The following CIMIP6 variants were observed in gnomAD, a reference collection of about 807,000 sequenced individuals.
CIMIP6 encodes the protein uncharacterized protein C2orf73.
the CIMIP6 span, among the ~76,000 whole-genome samples, chr2:54,345,485 G>C: frequency 6.6e-6 from 1 of 152,188 alleles, no homozygotes; most frequent in Non-Finnish European, 1.5e-5. Flanking sequence ...TTTTGAGAAA[G>C]AGAAGGAAGG....
chr2:54,350,181 T>C, the CIMIP6 span, among the ~76,000 whole-genome samples: 2 of 114,228 alleles, frequency 1.8e-5, no homozygotes, highest in African/African-American at 6.6e-5. Flanking sequence ...AAGTTATTAT[T>C]TGTGAGATTA....
chr2:54,337,405 G>T, the CIMIP6 span, among the ~76,000 whole-genome samples: 4 of 149,978 alleles, frequency 2.7e-5, no homozygotes, highest in Admixed American at 6.6e-5. Flanking sequence ...ATTTCAGAAA[G>T]AAATCAATTG....
chr2:54,357,595 G>C, the CIMIP6 span, among the ~76,000 whole-genome samples: 1 of 76,138 alleles, frequency 1.3e-5, no homozygotes, highest in Non-Finnish European at 2.7e-5. Flanking sequence ...TTTTTTTTTT[G>C]AGACACAGTC....
At chr2:54,350,631 C>T in the CIMIP6 span, among the ~76,000 whole-genome samples, 1 of 152,210 alleles carries the variant, frequency 6.6e-6, no homozygotes, top group African/African-American at 2.4e-5. Flanking sequence ...ACAAGACCAG[C>T]CCACATTTAC....
chr2:54,366,824 A>C, the CIMIP6 span, among the ~76,000 whole-genome samples: 1 of 152,166 alleles, frequency 6.6e-6, no homozygotes, highest in South Asian at 2.1e-4. Flanking sequence ...CGTCTGACAT[A>C]CACAGATTAA....
At chr2:54,363,666 A>G in the CIMIP6 span, among the ~76,000 whole-genome samples, 1 of 149,130 alleles carries the variant, frequency 6.7e-6, no homozygotes. Flanking sequence ...TTTTCTGATC[A>G]TAAGTTTCCC....
the CIMIP6 span, among the ~76,000 whole-genome samples, chr2:54,369,383 G>A: frequency 2.6e-5 from 4 of 152,242 alleles, no homozygotes; most frequent in South Asian, 2.1e-4. Flanking sequence ...CTAACCCTAC[G>A]GCAGGTCTTG....
chr2:54,334,961 A>C, the CIMIP6 span: 2 of 1,604,376 alleles, frequency 1.2e-6, no homozygotes, highest in Non-Finnish European at 1.7e-6. Flanking sequence ...TCATTAACAC[A>C]AATGCAAGAA....
chr2:54,345,370 A>T, the CIMIP6 span, among the ~76,000 whole-genome samples: 4 of 152,310 alleles, frequency 2.6e-5, no homozygotes, highest in East Asian at 7.7e-4. Flanking sequence ...AACAAGGTTT[A>T]CTTGTCTAGA....
the CIMIP6 span, among the ~76,000 whole-genome samples, chr2:54,371,575 C>A: frequency 1.3e-5 from 2 of 152,248 alleles, no homozygotes; most frequent in Admixed American, 6.5e-5. Flanking sequence ...AGTTTTCCAG[C>A]AGGGAGGCTG....
chr2:54,353,668 A>C, the CIMIP6 span, among the ~76,000 whole-genome samples: 1 of 152,170 alleles, frequency 6.6e-6, no homozygotes, highest in Non-Finnish European at 1.5e-5. Context: ...CCAGAGTTCT[A>C]AAAAAGTTGA....
At chr2:54,353,400 T>C in the CIMIP6 span, among the ~76,000 whole-genome samples, 1 of 152,060 alleles carries the variant, frequency 6.6e-6, no homozygotes, top group Non-Finnish European at 1.5e-5. Flanking sequence ...CCAGGTTAAA[T>C]AGTGACAGTT....
chr2:54,340,575 G>A, the CIMIP6 span, among the ~76,000 whole-genome samples: 1 of 152,102 alleles, frequency 6.6e-6, no homozygotes, highest in African/African-American at 2.4e-5. Context: ...TGGACTGTAA[G>A]ATTTCACTCA....
chr2:54,366,882 C>A, the CIMIP6 span, among the ~76,000 whole-genome samples: 1 of 152,034 alleles, frequency 6.6e-6, no homozygotes, highest in Non-Finnish European at 1.5e-5. Context: ...GTACAAGGTA[C>A]TATTCTCAGT....
At chr2:54,366,406 A>G in the CIMIP6 span, among the ~76,000 whole-genome samples, 6 of 152,224 alleles carry the variant, frequency 3.9e-5, no homozygotes, top group Non-Finnish European at 1.5e-5. Flanking sequence ...TCTATCTTGT[A>G]TAAACTACTC....
At chr2:54,359,284 G>T in the CIMIP6 span, among the ~76,000 whole-genome samples, 5 of 152,132 alleles carry the variant, frequency 3.3e-5, no homozygotes, top group African/African-American at 1.2e-4. Flanking sequence ...AGCTACTCAG[G>T]TGGGTGAGGT....
chr2:54,362,151 C>T, the CIMIP6 span, among the ~76,000 whole-genome samples: 1 of 152,090 alleles, frequency 6.6e-6, no homozygotes, highest in Non-Finnish European at 1.5e-5. Context: ...CCACTGAAGT[C>T]CCTGACAAAA....
the CIMIP6 span, chr2:54,334,840 C>T: frequency 6.5e-7 from 1 of 1,546,496 alleles, no homozygotes; most frequent in Non-Finnish European, 8.8e-7. Context: ...GAGGATGCTG[C>T]TATAACATAT....
At chr2:54,346,688 C>G in the CIMIP6 span, among the ~76,000 whole-genome samples, 3 of 152,184 alleles carry the variant, frequency 2.0e-5, no homozygotes, top group Admixed American at 2.0e-4. Flanking sequence ...TGTGACACCT[C>G]TATCTCCAAA....
Sources: gnomAD v4.1 joint callset for allele counts (sites outside exome capture counted in the v4.1 genomes callset) on GRCh38, gnomAD v4.1.1 for gene constraint, MANE v1.5 for transcripts, NCBI Gene and HGNC (gene_info 2026-07-23, HGNC 2026-07-21) for gene names.